Variants in DOCK8 observed in about 807,000 individuals in gnomAD.
DOCK8 encodes dedicator of cytokinesis protein 8.
In DOCK8, 141 loss-of-function variants were observed where a neutral mutation model predicts 245.6. The ratio of observed to expected loss-of-function variants is 0.57; its 90% confidence interval spans 0.50 to 0.66. DOCK8 has a LOEUF of 0.66. Ranked by LOEUF, DOCK8 falls within the 30% of genes least tolerant of loss-of-function variation. The pLI is 0.00. For synonymous variants in DOCK8, 1,168 were observed against 970.2 expected (o/e 1.20, Z -3.79); for missense variants, 2,965 against 2,603.4 (o/e 1.14, Z -3.02).
intron 4 of DOCK8, among the ~76,000 whole-genome samples, chr9:295,722 T>C (rs1159454453): frequency 6.6e-6 from 1 of 152,214 alleles, no homozygotes; most frequent in Non-Finnish European, 1.5e-5. Context: ...ATTACATTTC[T>C]CCATAATATC....
intron 41 of DOCK8, 36 bp from the exon 42 acceptor site, chr9:441,839 A>G (rs770423506): frequency 2.5e-6 from 4 of 1,613,888 alleles, no homozygotes; most frequent in African/African-American, 2.7e-5. Flanking sequence ...TCAGGATGAC[A>G]TAACTAAGGA....
At position 241,850 on chromosome 9, in the gene DOCK8, G is replaced by A. The variant is rs1238515287; in HGVS notation, c.53+26821G>A. Among the ~76,000 whole-genome samples the A allele has an allele frequency of 8.5e-5, 13 of 152,222 alleles. No individual in the cohort carries two copies. In the South Asian group the frequency reaches 1.2e-3, roughly 15 times the overall value. ...AATTTTTTATTTTGTTAAAGATGGA[G>A]TAATCCTCCCACTTCAGCCTCCTGA... On this transcript the variant is annotated intron_variant, in intron 1 of 47. Transcript: ENST00000432829.
intron 46 of DOCK8, among the ~76,000 whole-genome samples, chr9:455,406 G>A (rs1466187602): frequency 1.3e-5 from 2 of 152,168 alleles, no homozygotes; most frequent in African/African-American, 4.8e-5. Flanking sequence ...CTACTCGAGA[G>A]GCTGAGGTGC....
upstream of DOCK8, chr9:214,676 C>G (rs753963004): frequency 1.9e-6 from 3 of 1,588,748 alleles, no homozygotes; most frequent in Non-Finnish European, 2.6e-6. Flanking sequence ...TCGGCGGCCC[C>G]GGGCAGAGCG....
intron 29 of DOCK8, among the ~76,000 whole-genome samples, chr9:415,653 C>T (rs2055962881): frequency 6.6e-6 from 1 of 150,844 alleles, no homozygotes; most frequent in Non-Finnish European, 1.5e-5. Flanking sequence ...GGCCTACCCT[C>T]TCCACAGCGT....
rs1019421112 is a variant in DOCK8 at position 372,115 on chromosome 9, G to A, written c.2008-70G>A. 6.6e-6 allele frequency: 9 copies of A among 1,355,248 alleles called. 1 individual carries two copies. The highest frequency in any genetic ancestry group is 2.4e-5 in the South Asian group (2 of 84,590). The allele number at this position is 1,355,248 out of a possible 1,614,324, so 84.0% of individuals were successfully genotyped here. On this transcript the variant is annotated intron_variant, in intron 17 of 47. Transcript: ENST00000432829. ...CTGTTTAGTTGCATTTGATTATTGC[G>A]AGCTAGATAAATTATCAGAATTATA...
At chr9:300,866 CA>C (rs1476839288) in intron 4 of DOCK8, among the ~76,000 whole-genome samples, 1 of 151,938 alleles carries the variant, frequency 6.6e-6, no homozygotes, top group East Asian at 1.9e-4. Flanking sequence ...AAACCCACCC[CA>C]AAAAGCCCTT....
Position 415,012 on chromosome 9 carries a change from G to A in DOCK8, c.3700+61G>A, listed in dbSNP as rs2055926368. On this transcript the variant is annotated intron_variant, in intron 29 of 47. Transcript: ENST00000432829. Reference sequence around the variant, plus strand: ...GGGGCCCCTGCCAAATGCCCCATCCGAATGAGATCTCTGTCATTCGTTCCA... The same window carrying A: ...GGGGCCCCTGCCAAATGCCCCATCCAAATGAGATCTCTGTCATTCGTTCCA... 1.3e-5 allele frequency: 20 copies of A among 1,595,968 alleles called. No homozygotes were observed. In the Admixed American group the frequency reaches 1.3e-4, roughly 11 times the overall value.
At chr9:275,734 G>A (rs775242374) in intron 2 of DOCK8, among the ~76,000 whole-genome samples, 3 of 151,604 alleles carry the variant, frequency 2.0e-5, no homozygotes, top group African/African-American at 7.3e-5. Context: ...GAATACAGGC[G>A]TGCACCACCA....
intron 2 of DOCK8, chr9:273,101 G>A: frequency 1.0e-6 from 1 of 985,368 alleles, no homozygotes; most frequent in Non-Finnish European, 1.2e-6. Context: ...TCTTTCAAAG[G>A]TATGTTTTAC....
rs186373301 is a variant in DOCK8, at chr9:264,591, G to C, written c.54-7036G>C. ...ACAAGGAATTTATTCTAGACTTTAT[G>C]GCTGAAAATATGTATGCATATATGT... On this transcript the variant is annotated intron_variant, in intron 1 of 47. Coordinates refer to ENST00000432829, the MANE Select transcript of DOCK8 (RefSeq NM_203447.4). Among the ~76,000 whole-genome samples, 211 of 152,260 alleles carry C rather than the reference G, an allele frequency of 1.4e-3. 2 individuals carry two copies. The highest frequency in any genetic ancestry group is 5.0e-3 in the African/African-American group (206 of 41,536).
intron 9 of DOCK8, 63 bp from the exon 10 acceptor site, chr9:332,335 G>A (rs750656023): frequency 4.5e-6 from 5 of 1,102,456 alleles, no homozygotes; most frequent in Non-Finnish European, 6.9e-6. Context: ...TTTGATGGTT[G>A]CATAGATTCC....
intron 28 of DOCK8, among the ~76,000 whole-genome samples, chr9:409,676 C>T (rs1000973508): frequency 1.2e-4 from 19 of 152,156 alleles, no homozygotes; most frequent in African/African-American, 4.3e-4. Flanking sequence ...TGGTGTGCTG[C>T]ACCCATTAAC....
chr9:305,820 C>G (rs1333681309), intron 5 of DOCK8, among the ~76,000 whole-genome samples: 1 of 152,166 alleles, frequency 6.6e-6, no homozygotes, highest in Non-Finnish European at 1.5e-5. Flanking sequence ...AAGTTAAGCT[C>G]TATACACCTA....
intron 1 of DOCK8, among the ~76,000 whole-genome samples, chr9:225,104 C>T (rs1424706285): frequency 6.6e-6 from 1 of 152,168 alleles, no homozygotes; most frequent in Non-Finnish European, 1.5e-5. Context: ...CTATGACTTC[C>T]TCTAGGTATT....
intron 15 of DOCK8, chr9:368,511 T>A (rs528831632): frequency 7.5e-5 from 43 of 570,928 alleles, no homozygotes; most frequent in Admixed American, 5.4e-4. Context: ...CACACTGTGT[T>A]ATACACACAC....
Position 396,781 on chromosome 9 carries a change from G to T in DOCK8, c.2971-4G>T, listed in dbSNP as rs186097329. ...GTTGACATTTCCTCCATCCCCCTCC[G>T]CAGGTGAAAAGCATGGCCCAGCACG... On this transcript the variant is annotated splice_region_variant and splice_polypyrimidine_tract_variant and intron_variant, in intron 24 of 47. Transcript: ENST00000432829. 2 of 1,614,044 alleles carry T rather than the reference G, an allele frequency of 1.2e-6. No individual in the cohort carries two copies. Among genetic ancestry groups the T allele is most frequent in the Admixed American group, 1.7e-5 (1 of 60,004 alleles).
At chr9:304,470 A>C (rs2049715714) in intron 4 of DOCK8, 111 bp from the exon 5 acceptor site, 1 of 1,413,762 alleles carries the variant, frequency 7.1e-7, no homozygotes, top group South Asian at 1.2e-5. Context: ...CCTCTTTGAA[A>C]GCTCTCTCAG....
At chr9:441,046 TC>T (rs1420227714) in intron 40 of DOCK8, among the ~76,000 whole-genome samples, 1 of 152,092 alleles carries the variant, frequency 6.6e-6, no homozygotes, top group Admixed American at 6.6e-5. Flanking sequence ...TATTTTTTTT[TC>T]CCCCGAAAGC....
Sources: allele counts gnomAD v4.1 joint callset (sites outside exome capture counted in the v4.1 genomes callset), GRCh38; gene constraint gnomAD v4.1.1; transcripts MANE v1.5; gene names NCBI Gene and HGNC (gene_info 2026-07-23, HGNC 2026-07-21).